POU6F2: variants seen among roughly 807,000 people sequenced by gnomAD.
POU6F2 encodes the protein POU class 6 homeobox 2, also known as POU domain, class 6, transcription factor 2.
In POU6F2, 31 loss-of-function variants were observed where a neutral mutation model predicts 71.3. The observed-to-expected ratio is 0.43, with a 90% CI of 0.33 to 0.59. The LOEUF (loss-of-function observed/expected upper bound fraction) is 0.59, where lower values mean the gene tolerates loss of function less well. Ranked by LOEUF, POU6F2 falls within the 20% of genes least tolerant of loss-of-function variation. The pLI, the probability that POU6F2 is intolerant of heterozygous loss-of-function variation, is 0.04. For synonymous variants in POU6F2, 347 were observed against 355.7 expected, an observed-to-expected ratio of 0.98 and a Z score of 0.27; for missense variants, 783 against 856.8, an observed-to-expected ratio of 0.91 and a Z score of 1.07.
At chr7:39,028,693 G>A (rs1051558144) in intron 1 of POU6F2, among the ~76,000 whole-genome samples, 1 of 151,858 alleles carries the variant, frequency 6.6e-6, no homozygotes, top group African/African-American at 2.4e-5. Flanking sequence ...CATTTTTACA[G>A]GTTTTCTTTA....
chr7:39,346,105 A>G (rs1786028519), intron 5 of POU6F2, among the ~76,000 whole-genome samples: 2 of 152,216 alleles, frequency 1.3e-5, no homozygotes, highest in African/African-American at 4.8e-5. Flanking sequence ...CTCCTTTAAA[A>G]AACTCTCAGT....
intron 2 of POU6F2, among the ~76,000 whole-genome samples, chr7:39,159,700 A>G (rs546404157): frequency 6.6e-6 from 1 of 151,754 alleles, no homozygotes; most frequent in South Asian, 2.1e-4. Context: ...ATGATAATAG[A>G]TAGTAACAGA....
chr7:39,093,331 AT>A (rs1791392146), intron 2 of POU6F2, among the ~76,000 whole-genome samples: 1 of 152,112 alleles, frequency 6.6e-6, no homozygotes, highest in African/African-American at 2.4e-5. Flanking sequence ...ACAAAAGACC[AT>A]TTGAAAATGG....
At chr7:39,300,657 C>T (rs1784935307) in intron 4 of POU6F2, among the ~76,000 whole-genome samples, 1 of 152,016 alleles carries the variant, frequency 6.6e-6, no homozygotes. Flanking sequence ...TCCCAGGCCT[C>T]TCTCCTTGGC....
Position 39,433,290 on chromosome 7 carries a change from G to T in POU6F2, c.1320+7G>T. 4 of 1,613,854 alleles carry T rather than the reference G, an allele frequency of 2.5e-6. No individual in the cohort carries two copies. The highest frequency in any genetic ancestry group is 3.4e-6 in the Non-Finnish European group (4 of 1,179,812). Reference sequence around the variant, plus strand: ...CATCAAGCCCGGCCAGCAGGTAAATGTTCCAGGCCAAGGCAGCCATGGCAC... The same window carrying T: ...CATCAAGCCCGGCCAGCAGGTAAATTTTCCAGGCCAAGGCAGCCATGGCAC... On this transcript the variant is annotated splice_region_variant and intron_variant, in intron 7 of 9. Coordinates refer to ENST00000518318, the MANE Select transcript of POU6F2 (RefSeq NM_001370959.1).
chr7:39,443,516 G>T (rs902428183), intron 7 of POU6F2, among the ~76,000 whole-genome samples: 2 of 152,208 alleles, frequency 1.3e-5, no homozygotes, highest in Non-Finnish European at 2.9e-5. Flanking sequence ...GGTGAACCTG[G>T]TCAGAAATAC....
chr7:39,058,117 CA>C (rs1388501885), intron 1 of POU6F2, among the ~76,000 whole-genome samples: 50 of 152,276 alleles, frequency 3.3e-4, no homozygotes, highest in African/African-American at 1.0e-3. Flanking sequence ...AAGCTAGAAA[CA>C]GCATCTAATT....
At chr7:39,366,035 G>A (rs1049962073) in intron 5 of POU6F2, among the ~76,000 whole-genome samples, 21 of 152,214 alleles carry the variant, frequency 1.4e-4, no homozygotes, top group African/African-American at 4.8e-4. Context: ...TCTAGGGGAT[G>A]GGATGCTTAT....
At chr7:39,399,892 A>T (rs1787260254) in intron 5 of POU6F2, among the ~76,000 whole-genome samples, 1 of 152,014 alleles carries the variant, frequency 6.6e-6, no homozygotes, top group African/African-American at 2.4e-5. Flanking sequence ...AAGAAAAAGA[A>T]AAGAAAGGTC....
intron 1 of POU6F2, among the ~76,000 whole-genome samples, chr7:38,989,047 G>A (rs985815947): frequency 2.0e-5 from 3 of 152,046 alleles, no homozygotes; most frequent in Non-Finnish European, 4.4e-5. Context: ...ATGTAAAATG[G>A]TAGACCCGTT....
intron 1 of POU6F2, among the ~76,000 whole-genome samples, chr7:39,080,308 A>G (rs1791090828): frequency 6.6e-6 from 1 of 152,190 alleles, no homozygotes; most frequent in Non-Finnish European, 1.5e-5. Context: ...TAAGGTAATG[A>G]TATTCATACT....
At chr7:39,146,778 T>C (rs1288740079) in intron 2 of POU6F2, among the ~76,000 whole-genome samples, 1 of 152,032 alleles carries the variant, frequency 6.6e-6, no homozygotes, top group Admixed American at 6.6e-5. Flanking sequence ...GACTCAGGAG[T>C]AGAATGAGTT....
intron 2 of POU6F2, among the ~76,000 whole-genome samples, chr7:39,125,533 T>A (rs1309596278): frequency 6.6e-6 from 1 of 152,164 alleles, no homozygotes; most frequent in Non-Finnish European, 1.5e-5. Context: ...TTAAAAAATA[T>A]ATTACATTTT....
rs1262515499 is a variant in POU6F2 at position 39,179,549 on chromosome 7, A to ATG, written c.278-24686_278-24685insTG. ...CACATGCGCGCACACACACACACAC[A>ATG]CGCACACAGTCTACAGAACTGATCT... On this transcript the variant is annotated intron_variant, in intron 2 of 9. Transcript: ENST00000518318. 8.5e-4 allele frequency among the ~76,000 whole-genome samples: 129 copies of ATG among 152,174 alleles called. 1 individual carries two copies. The highest frequency in any genetic ancestry group is 2.5e-3 in the Admixed American group (38 of 15,300).
At chr7:38,989,754 G>A (rs1788554315) in intron 1 of POU6F2, among the ~76,000 whole-genome samples, 1 of 151,832 alleles carries the variant, frequency 6.6e-6, no homozygotes, top group African/African-American at 2.4e-5. Context: ...TATAGAAAGA[G>A]AGACAGAGAG....
intron 2 of POU6F2, among the ~76,000 whole-genome samples, chr7:39,143,355 G>A (rs536995594): frequency 2.2e-4 from 34 of 152,180 alleles, no homozygotes; most frequent in Non-Finnish European, 4.1e-4. Flanking sequence ...TGGCCTAATT[G>A]AGGAGATAAA....
At chr7:39,410,810 A>G (rs1217887252) in intron 6 of POU6F2, among the ~76,000 whole-genome samples, 14 of 152,204 alleles carry the variant, frequency 9.2e-5, no homozygotes, top group African/African-American at 3.4e-4. Context: ...CCGGAAAGCT[A>G]TATTTGATCT....
At chr7:38,996,057 T>TTTTTTTTTTTTTTGA (rs1788728464) in intron 1 of POU6F2, among the ~76,000 whole-genome samples, 1 of 88,878 alleles carries the variant, frequency 1.1e-5, no homozygotes, top group African/African-American at 4.3e-5. Flanking sequence ...TTTTTTTTTT[T>TTTTTTTTTTTTTTGA]AGACAGAATT....
chr7:38,978,830 T>C (rs1013186448), intron 1 of POU6F2, among the ~76,000 whole-genome samples: 2 of 152,340 alleles, frequency 1.3e-5, no homozygotes, highest in South Asian at 4.1e-4. Context: ...GCTTTCCCGC[T>C]CTGTCGTCTT....
Sources: gnomAD v4.1 joint callset for allele counts (sites outside exome capture counted in the v4.1 genomes callset) on GRCh38, gnomAD v4.1.1 for gene constraint, MANE v1.5 for transcripts, NCBI Gene and HGNC (gene_info 2026-07-23, HGNC 2026-07-21) for gene names.